The following SCARB2 variants were observed in gnomAD, a reference collection of about 807,000 sequenced individuals.
The protein encoded by SCARB2 is scavenger receptor class B member 2, also known as lysosome membrane protein 2.
In SCARB2, 29 loss-of-function variants were observed where a neutral mutation model predicts 58.6. That is an observed-to-expected ratio of 0.49 (90% CI 0.37 to 0.67). The LOEUF (loss-of-function observed/expected upper bound fraction) is 0.67. SCARB2 is among the 30% of genes least tolerant of loss of function. The probability of loss-of-function intolerance (pLI) is 0.00; values close to 1 mark genes in which losing one functional copy is unlikely to be tolerated. For synonymous variants in SCARB2, 195 were observed against 210.1 expected (o/e 0.93, Z 0.62); for missense variants, 488 against 578.5 (o/e 0.84, Z 1.60).
In SCARB2 at chr4:76,176,273, T is replaced by C. The variant is rs1732249959; in HGVS notation, c.704+164A>G. The C allele has an allele frequency of 1.3e-5, 8 of 621,534 alleles. No homozygotes were observed. In the South Asian group the frequency reaches 1.4e-4, roughly 11 times the overall value. The allele number at this position is 621,534 out of a possible 1,614,324, so 38.5% of individuals were successfully genotyped here. On this transcript the variant is annotated intron_variant, in intron 5 of 11. Transcript: ENST00000264896. ...ACTAATATTTAATCTGTAAGATGTT[T>C]TACCACCATCTTGATTTGTAGAATA... is the stretch of plus-strand genomic sequence containing the variant.
In SCARB2 at chr4:76,226,092, G is replaced by A. The variant is rs533279531; in HGVS notation, c.-358+8211C>T. Among the ~76,000 whole-genome samples, 17 of 132,700 alleles carry A rather than the reference G, an allele frequency of 1.3e-4. No individual in the cohort carries two copies. The East Asian group carries it at 3.2e-3, about 25-fold the overall frequency. The allele number at this position is 132,700 out of a possible 152,430, so 87.1% of individuals were successfully genotyped here. A position where few individuals can be genotyped will look rare whatever the true frequency, so the allele number is the denominator to read the frequency against. Reference sequence around the variant, plus strand: ...TCAGACTCAACACCAGGTCGTGGTGGCTATGAAGTCCGACGGAGTCAAAGG... The same window carrying A: ...TCAGACTCAACACCAGGTCGTGGTGACTATGAAGTCCGACGGAGTCAAAGG... On this transcript the variant is annotated intron_variant, in intron 1 of 11. Transcript: ENST00000638295.
intron 1 of SCARB2, among the ~76,000 whole-genome samples, chr4:76,233,468 G>A (rs1475265544): frequency 1.3e-5 from 2 of 152,026 alleles, no homozygotes; most frequent in East Asian, 1.9e-4. Context: ...TTAAAGTCGC[G>A]TGAACTGAAA....
intron 1 of SCARB2, among the ~76,000 whole-genome samples, chr4:76,229,821 T>C (rs565270248): frequency 7.9e-5 from 12 of 152,252 alleles, no homozygotes; most frequent in Non-Finnish European, 1.5e-4. Context: ...CTGGTTATGC[T>C]AGCAGTGAAG....
intron 7 of SCARB2, chr4:76,172,716 C>T (rs1057062752): frequency 1.3e-5 from 2 of 150,918 alleles, no homozygotes; most frequent in Admixed American, 6.6e-5. Context: ...TGGAGTCTCG[C>T]TATGTTGCCC....
chr4:76,202,319 G>A (rs544396475), intron 1 of SCARB2, among the ~76,000 whole-genome samples: 1 of 152,248 alleles, frequency 6.6e-6, no homozygotes, highest in Admixed American at 6.5e-5. Flanking sequence ...CTGGAGTGCA[G>A]TGGCATGACT....
rs750350428 is a variant in SCARB2 at position 76,159,401 on chromosome 4, A to T, written c.*2312T>A. 6.6e-6 allele frequency: 1 copy of T among 152,244 alleles called. No individual in the cohort carries two copies. 9.4% of individuals were successfully genotyped at this position (152,244 alleles called of 1,614,324 possible). A position where few individuals can be genotyped will look rare whatever the true frequency, so the allele number is the denominator to read the frequency against. ...CAGACTTTTCAGAAGGATAGTATCA[A>T]ATGTGATTTAAACCAAGTAACTATT... On this transcript the variant is annotated 3_prime_UTR_variant, in exon 12 of 12. Transcript: ENST00000264896.
intron 2 of SCARB2, among the ~76,000 whole-genome samples, chr4:76,188,726 A>C (rs17001603): frequency 0.18 from 27,118 of 152,176 alleles, 2,580 homozygotes; most frequent in East Asian, 0.35. Flanking sequence ...GCCACAAGTG[A>C]CAGAAATCAA....
intron 2 of SCARB2, among the ~76,000 whole-genome samples, chr4:76,181,981 G>T (rs779600132): frequency 6.6e-6 from 1 of 152,134 alleles, no homozygotes; most frequent in East Asian, 1.9e-4. Context: ...TGTGAGTGAT[G>T]TAAGAGGTGC....
chr4:76,226,130 CAAGTT>C (rs1200653444), intron 1 of SCARB2, among the ~76,000 whole-genome samples: 5 of 152,048 alleles, frequency 3.3e-5, no homozygotes, highest in Non-Finnish European at 7.3e-5. Flanking sequence ...TGAGACAAGA[CAAGTT>C]AAGAGTACAT....
intron 1 of SCARB2, among the ~76,000 whole-genome samples, chr4:76,198,488 A>T (rs114828229): frequency 0.023 from 3,508 of 152,376 alleles, 122 homozygotes; most frequent in African/African-American, 0.08. Flanking sequence ...AGAAATAAAC[A>T]TTTAGTACAT....
At position 76,161,662 on chromosome 4, in the gene SCARB2, C is replaced by A; in HGVS notation, c.*51G>T. 1.3e-6 allele frequency: 2 copies of A among 1,596,548 alleles called. No individual in the cohort carries two copies. Among genetic ancestry groups the A allele is most frequent in the Non-Finnish European group, 1.7e-6 (2 of 1,163,974 alleles). On this transcript the variant is annotated 3_prime_UTR_variant, in exon 12 of 12. Coordinates refer to ENST00000264896, the MANE Select transcript of SCARB2 (RefSeq NM_005506.4). ...GAGGTGGAGGGTTTCCCCACGTCAT[C>A]GTCCAGGTCAGGACAGCTCACACAG...
In SCARB2 at chr4:76,195,654, C is replaced by T. The variant is rs1732695369; in HGVS notation, c.275+53G>A. 6 of 1,517,660 alleles carry T rather than the reference C, an allele frequency of 4.0e-6. No individual in the cohort carries two copies. The Admixed American group carries it at 1.0e-4, about 25-fold the overall frequency. The allele number at this position is 1,517,660 out of a possible 1,614,324, so 94.0% of individuals were successfully genotyped here. ...CCTGGGAAGAGGCAAGGACTCAGGC[C>T]ATATTGGGGTCACTCTGTATTTCTT... On this transcript the variant is annotated intron_variant, in intron 2 of 11. Coordinates refer to ENST00000264896, the MANE Select transcript of SCARB2 (RefSeq NM_005506.4).
intron 1 of SCARB2, among the ~76,000 whole-genome samples, chr4:76,197,003 CTG>C (rs1732726659): frequency 6.6e-6 from 1 of 152,178 alleles, no homozygotes; most frequent in African/African-American, 2.4e-5. Context: ...GAGGAGGAAA[CTG>C]GGACACAGAC....
upstream of SCARB2, chr4:76,217,505 C>T (rs1866975): frequency 0.45 from 183,923 of 410,630 alleles, 46,949 homozygotes; most frequent in East Asian, 0.95. Flanking sequence ...AGAGCTGGCA[C>T]CTCCTCCTTC....
chr4:76,220,778 A>T, intron 1 of SCARB2, among the ~76,000 whole-genome samples: 1 of 152,212 alleles, frequency 6.6e-6, no homozygotes, highest in East Asian at 1.9e-4. Flanking sequence ...AAGTTCTGGC[A>T]GTTTTTTACC....
intron 1 of SCARB2, among the ~76,000 whole-genome samples, chr4:76,225,635 T>C (rs1733383963): frequency 6.6e-6 from 1 of 152,246 alleles, no homozygotes; most frequent in East Asian, 1.9e-4. Context: ...TCTGCATCTA[T>C]TGAGATGATC....
chr4:76,233,804 T>G (rs76504716), intron 1 of SCARB2, among the ~76,000 whole-genome samples: 8,054 of 152,182 alleles, frequency 0.053, 249 homozygotes, highest in Middle Eastern at 0.088. Context: ...TAAAACCAGA[T>G]GAAGGCTTCA....
intron 1 of SCARB2, among the ~76,000 whole-genome samples, chr4:76,202,900 T>C (rs1202577807): frequency 6.6e-6 from 1 of 152,226 alleles, no homozygotes; most frequent in Admixed American, 6.5e-5. Context: ...ACTAAATCAG[T>C]TTATTTAATC....
rs1731900008 is a variant in SCARB2, at chr4:76,161,644, AG to A, written c.*68del. On this transcript the variant is annotated 3_prime_UTR_variant, in exon 12 of 12. Transcript: ENST00000264896. ...AGGCAACAAGCCTGCAAGGAGGTGG[AG>A]GGTTTCCCCACGTCATCGTCCAGGT... 3.9e-6 allele frequency: 6 copies of A among 1,519,724 alleles called. No homozygotes were observed. The highest frequency in any genetic ancestry group is 2.2e-5 in the South Asian group (2 of 89,162). The allele number at this position is 1,519,724 out of a possible 1,614,324, so 94.1% of individuals were successfully genotyped here.
Sources: allele counts gnomAD v4.1 joint callset (sites outside exome capture counted in the v4.1 genomes callset), GRCh38; gene constraint gnomAD v4.1.1; transcripts MANE v1.5; gene names NCBI Gene and HGNC (gene_info 2026-07-23, HGNC 2026-07-21).